The following CELF2 variants were observed in gnomAD, a reference collection of about 807,000 sequenced individuals.
CELF2 encodes CUGBP Elav-like family member 2.
In CELF2, 8 loss-of-function variants were observed where a neutral mutation model predicts 62.6. The observed-to-expected ratio is 0.13, with a 90% CI of 0.07 to 0.23. CELF2 has a LOEUF of 0.23. CELF2 is among the 10% of genes least tolerant of loss of function. CELF2 has a pLI of 1.00. For missense variants in CELF2, 333 were observed against 671.0 expected, an observed-to-expected ratio of 0.50 and a Z score of 5.56; for synonymous variants, 258 against 250.0, an observed-to-expected ratio of 1.03 and a Z score of -0.30.
the CELF2 span, among the ~76,000 whole-genome samples, chr10:10,582,025 C>A: frequency 6.6e-6 from 1 of 151,636 alleles, no homozygotes; most frequent in African/African-American, 2.4e-5. Context: ...AAGATTCCAT[C>A]TAAAAAAAAA....
intron 1 of CELF2, among the ~76,000 whole-genome samples, chr10:10,871,855 A>T (rs2060770432): frequency 6.6e-6 from 1 of 152,182 alleles, no homozygotes; most frequent in African/African-American, 2.4e-5. Flanking sequence ...TTCAGCCCAA[A>T]CGAATACAAT....
chr10:10,857,920 C>T (rs989966736), intron 1 of CELF2, among the ~76,000 whole-genome samples: 1 of 151,472 alleles, frequency 6.6e-6, no homozygotes, highest in Non-Finnish European at 1.5e-5. Flanking sequence ...AAAATTTGTA[C>T]AGACGCTAAT....
intron 9 of CELF2, among the ~76,000 whole-genome samples, chr10:11,298,031 G>A (rs139374492): frequency 2.6e-5 from 4 of 152,308 alleles, no homozygotes; most frequent in African/African-American, 9.6e-5. Context: ...GGGTCACTAG[G>A]GGAAGAAGTT....
chr10:11,240,929 C>G (rs1375161854), intron 3 of CELF2, among the ~76,000 whole-genome samples: 3 of 152,120 alleles, frequency 2.0e-5, no homozygotes, highest in African/African-American at 7.2e-5. Context: ...GTGCTCCCAC[C>G]GGACAGACCT....
intron 1 of CELF2, among the ~76,000 whole-genome samples, chr10:10,868,446 C>T (rs2060521105): frequency 6.6e-6 from 1 of 152,212 alleles, no homozygotes; most frequent in South Asian, 2.1e-4. Flanking sequence ...GCTTCCAAGC[C>T]AGTTAAAGAT....
At chr10:10,598,068 G>T in the CELF2 span, among the ~76,000 whole-genome samples, 4 of 152,254 alleles carry the variant, frequency 2.6e-5, no homozygotes, top group East Asian at 5.8e-4. Context: ...GGGTTAAAAA[G>T]CATTTGAAAT....
the CELF2 span, among the ~76,000 whole-genome samples, chr10:10,521,196 G>A: frequency 2.0e-4 from 31 of 152,270 alleles, no homozygotes; most frequent in African/African-American, 5.3e-4. Context: ...ACAGTGAGTC[G>A]TTTGTCCCAG....
At chr10:11,202,409 C>T (rs777985366) in intron 2 of CELF2, among the ~76,000 whole-genome samples, 1 of 152,158 alleles carries the variant, frequency 6.6e-6, no homozygotes, top group Non-Finnish European at 1.5e-5. Context: ...CCGATGGTTT[C>T]GGAAGCTGCA....
chr10:10,700,480 C>T, the CELF2 span, among the ~76,000 whole-genome samples: 1 of 152,342 alleles, frequency 6.6e-6, no homozygotes, highest in Non-Finnish European at 1.5e-5. Context: ...CCTGTCTCTT[C>T]CTGCTTGCAG....
chr10:10,491,422 T>C, the CELF2 span, among the ~76,000 whole-genome samples: 3 of 152,202 alleles, frequency 2.0e-5, no homozygotes, highest in Non-Finnish European at 2.9e-5. Flanking sequence ...TCTTTGCCTC[T>C]TGCTCTTTGG....
rs765054732 is a variant in CELF2, at chr10:11,266,193, T to C, written c.539-405T>C. ...CCCCTTTAAAAATCAATGATAAAAT[T>C]TGAAATACAAAGCCCTGATGTGTGA... is the stretch of plus-strand genomic sequence containing the variant. On this transcript the variant is annotated intron_variant, in intron 5 of 12. Transcript: ENST00000633077. Among the ~76,000 whole-genome samples the C allele has an allele frequency of 3.5e-4, 54 of 152,136 alleles. 1 individual carries two copies. Among genetic ancestry groups the C allele is most frequent in the Non-Finnish European group, 2.9e-5 (2 of 68,012 alleles).
the CELF2 span, among the ~76,000 whole-genome samples, chr10:10,702,562 T>C: frequency 7.6e-4 from 116 of 152,286 alleles, 1 homozygote; most frequent in Non-Finnish European, 1.5e-3. Flanking sequence ...TGCAGACCCA[T>C]TTTGGGTAAC....
chr10:10,844,076 C>G (rs924790281), intron 1 of CELF2, among the ~76,000 whole-genome samples: 2 of 152,004 alleles, frequency 1.3e-5, no homozygotes. Flanking sequence ...ATATTTTTTA[C>G]TTGACTTTTC....
chr10:10,819,222 T>C (rs943713362), intron 1 of CELF2, among the ~76,000 whole-genome samples: 2 of 152,180 alleles, frequency 1.3e-5, no homozygotes, highest in East Asian at 3.8e-4. Flanking sequence ...CTTGCTTTAA[T>C]GGGGTTTTAG....
the CELF2 span, among the ~76,000 whole-genome samples, chr10:10,652,535 C>T: frequency 1.4e-5 from 2 of 140,914 alleles, no homozygotes; most frequent in East Asian, 2.1e-4. Flanking sequence ...CGGCAGAAAC[C>T]CTACAAGCCA....
Position 11,158,181 on chromosome 10 carries a change from C to CA in CELF2, c.75-7303dup, listed in dbSNP as rs536200093. Among the ~76,000 whole-genome samples, 53 of 152,286 alleles carry CA rather than the reference C, an allele frequency of 3.5e-4. No homozygotes were observed. The South Asian group carries it at 4.1e-3, about 12-fold the overall frequency. Reference sequence around the variant, plus strand: ...CCACTTTCAATTAGTTGCCCATAGCCAACAGGTGGCTTCAGCAGCATCCAG... The same window carrying CA: ...CCACTTTCAATTAGTTGCCCATAGCCAAACAGGTGGCTTCAGCAGCATCCAG... On this transcript the variant is annotated intron_variant, in intron 1 of 12. Coordinates refer to ENST00000633077, the MANE Select transcript of CELF2 (RefSeq NM_001326342.2).
rs2053309935 is a variant in CELF2, at chr10:10,990,540, T to C, written c.89+70541T>C. 1.3e-5 allele frequency among the ~76,000 whole-genome samples: 2 copies of C among 152,194 alleles called. No homozygotes were observed. Among genetic ancestry groups the C allele is most frequent in the Non-Finnish European group, 2.9e-5 (2 of 68,014 alleles). On this transcript the variant is annotated intron_variant, in intron 2 of 13. Coordinates refer to the CELF2 transcript ENST00000636488. This position sits in a 1 kb window ranked among gnomAD's most constrained non-coding sequence, Gnocchi z 4.6. ...GTTCTATGTCCAAATTATCACTAAA[T>C]CTGAGTTAATGGCATCTAAATTAAG... is the stretch of plus-strand genomic sequence containing the variant.
chr10:10,937,822 T>C (rs1391023863), intron 2 of CELF2, among the ~76,000 whole-genome samples: 1 of 152,164 alleles, frequency 6.6e-6, no homozygotes. Context: ...CTAGATAGCA[T>C]GATAGTGTAT....
chr10:10,559,726 G>T, the CELF2 span, among the ~76,000 whole-genome samples: 1 of 152,138 alleles, frequency 6.6e-6, no homozygotes, highest in African/African-American at 2.4e-5. Context: ...TCTGAGAATT[G>T]TAAGGTAGGA....
Sources: allele counts gnomAD v4.1 joint callset (sites outside exome capture counted in the v4.1 genomes callset), GRCh38; gene constraint gnomAD v4.1.1; non-coding constraint Gnocchi (gnomAD v3.1); transcripts MANE v1.5; gene names NCBI Gene and HGNC (gene_info 2026-07-23, HGNC 2026-07-21).